ARIH1: variants seen among roughly 807,000 people sequenced by gnomAD.
ARIH1 encodes the protein E3 ubiquitin-protein ligase ARIH1.
ARIH1 carries 8 observed loss-of-function variants against 85.0 expected under a neutral mutation model. The observed-to-expected ratio is 0.09, with a 90% CI of 0.06 to 0.17. ARIH1 has a LOEUF of 0.17. Ranked by LOEUF, ARIH1 falls within the 10% of genes least tolerant of loss-of-function variation. The probability of loss-of-function intolerance (pLI) is 1.00; values close to 1 mark genes in which losing one functional copy is unlikely to be tolerated. For synonymous variants in ARIH1, 238 were observed against 253.6 expected (o/e 0.94, Z 0.59); for missense variants, 311 against 718.1 (o/e 0.43, Z 6.48).
Position 72,563,228 on chromosome 15 carries a change from C to CT in ARIH1, c.805-158dup, listed in dbSNP as rs567786131. Reference sequence around the variant, plus strand: ...ACCATGCCTGGCTAAATTCTTTTTTCTTTTTTTTAAGGTAGAGACAAGGTC... The same window carrying CT: ...ACCATGCCTGGCTAAATTCTTTTTTCTTTTTTTTTAAGGTAGAGACAAGGTC... On this transcript the variant is annotated intron_variant, in intron 6 of 13. Coordinates refer to ENST00000379887, the MANE Select transcript of ARIH1 (RefSeq NM_005744.5). Among the ~76,000 whole-genome samples, 421 of 151,916 alleles carry CT rather than the reference C, an allele frequency of 2.8e-3. 1 individual carries two copies. The highest frequency in any genetic ancestry group is 9.7e-3 in the African/African-American group (402 of 41,446).
chr15:72,565,045 T>C (rs2064213303), intron 7 of ARIH1, among the ~76,000 whole-genome samples: 1 of 152,088 alleles, frequency 6.6e-6, no homozygotes, highest in South Asian at 2.1e-4. Context: ...CAAGGGGCTC[T>C]AGACCCAGCA....
intron 1 of ARIH1, among the ~76,000 whole-genome samples, chr15:72,497,407 T>C (rs1366087778): frequency 6.6e-6 from 1 of 152,196 alleles, no homozygotes; most frequent in East Asian, 1.9e-4. Flanking sequence ...ACTTAAGTAT[T>C]TGTATCAGTT....
chr15:72,576,496 ACT>A (rs1430686719), intron 11 of ARIH1, among the ~76,000 whole-genome samples: 3 of 107,868 alleles, frequency 2.8e-5, no homozygotes, highest in African/African-American at 1.0e-4. Context: ...ACAGAGCAAG[ACT>A]CTGTCTCAAA....
chr15:72,545,686 T>G (rs924046329), intron 3 of ARIH1, among the ~76,000 whole-genome samples: 6 of 152,136 alleles, frequency 3.9e-5, no homozygotes, highest in African/African-American at 1.4e-4. Context: ...AAAATTATCC[T>G]GGCATGATGG....
At chr15:72,478,585 A>G (rs1293316912) in intron 1 of ARIH1, among the ~76,000 whole-genome samples, 2 of 152,202 alleles carry the variant, frequency 1.3e-5, no homozygotes, top group Non-Finnish European at 2.9e-5. Flanking sequence ...TATGTTAAGC[A>G]GAGGATATGC....
In ARIH1 at chr15:72,590,633, A is replaced by T. The variant is rs1195620167; in HGVS notation, c.*7341A>T. The T allele has an allele frequency of 1.3e-5, 2 of 152,110 alleles. No homozygotes were observed. Among genetic ancestry groups the T allele is most frequent in the African/African-American group, 4.8e-5 (2 of 41,420 alleles). 9.4% of individuals were successfully genotyped at this position (152,110 alleles called of 1,614,324 possible). A position where few individuals can be genotyped will look rare whatever the true frequency, so the allele number is the denominator to read the frequency against. ...TTGCCCAGGCTGGAATATAATGGCTATTCACAGGCACAGTTAGGGTGCACT... is the reference window on the plus strand; with the variant it reads ...TTGCCCAGGCTGGAATATAATGGCTTTTCACAGGCACAGTTAGGGTGCACT... On this transcript the variant is annotated 3_prime_UTR_variant, in exon 14 of 14. Transcript: ENST00000379887.
intron 2 of ARIH1, among the ~76,000 whole-genome samples, chr15:72,536,110 C>T (rs1227303066): frequency 6.6e-6 from 1 of 152,146 alleles, no homozygotes; most frequent in African/African-American, 2.4e-5. Flanking sequence ...AAAGATGACA[C>T]ATGTGTTTGT....
intron 1 of ARIH1, among the ~76,000 whole-genome samples, chr15:72,481,713 C>G (rs1388230886): frequency 6.6e-6 from 1 of 152,048 alleles, no homozygotes; most frequent in Non-Finnish European, 1.5e-5. Flanking sequence ...GGGAAAATTT[C>G]CAGAACCTAG....
chr15:72,555,221 G>T, intron 3 of ARIH1, 50 bp from the exon 4 acceptor site: 1 of 1,382,764 alleles, frequency 7.2e-7, no homozygotes, highest in South Asian at 1.2e-5. Context: ...TGTTTATAGT[G>T]AGTTTTCTGA....
Position 72,594,482 on chromosome 15 carries a change from AGTT to A in ARIH1, c.*11194_*11196del, listed in dbSNP as rs1354102829. 1 of 151,930 alleles carries A rather than the reference AGTT, an allele frequency of 6.6e-6. No individual in the cohort carries two copies. The highest frequency in any genetic ancestry group is 1.5e-5 in the Non-Finnish European group (1 of 67,976). 9.4% of individuals were successfully genotyped at this position (151,930 alleles called of 1,614,324 possible). ...CGCGCCTGGCTAATTTTCATTTTTA[AGTT>A]GTTTGCTGCTAGTATCTAGAAATAC... On this transcript the variant is annotated 3_prime_UTR_variant, in exon 14 of 14. Transcript: ENST00000379887.
intron 2 of ARIH1, among the ~76,000 whole-genome samples, chr15:72,539,172 CT>C: frequency 6.6e-6 from 1 of 152,228 alleles, no homozygotes; most frequent in South Asian, 2.1e-4. Flanking sequence ...GAGTCAGTTC[CT>C]TTTTATTTTG....
Position 72,583,367 on chromosome 15 carries a change from C to T in ARIH1, c.*75C>T. The T allele has an allele frequency of 1.6e-6, 2 of 1,252,316 alleles. No individual in the cohort carries two copies. Among genetic ancestry groups the T allele is most frequent in the South Asian group, 2.5e-5 (2 of 78,894 alleles). 77.6% of individuals were successfully genotyped at this position (1,252,316 alleles called of 1,614,324 possible). A position where few individuals can be genotyped will look rare whatever the true frequency, so the allele number is the denominator to read the frequency against. On this transcript the variant is annotated 3_prime_UTR_variant, in exon 14 of 14. Transcript: ENST00000379887. ...TCATGCAATTAAAACAAAACAAACACAAACAAGGAGGCACTAAGCCTATTC... is the reference window on the plus strand; with the variant it reads ...TCATGCAATTAAAACAAAACAAACATAAACAAGGAGGCACTAAGCCTATTC...
intron 1 of ARIH1, among the ~76,000 whole-genome samples, chr15:72,501,666 A>T (rs1448452101): frequency 2.0e-5 from 3 of 152,230 alleles, no homozygotes; most frequent in Non-Finnish European, 4.4e-5. Flanking sequence ...GCTGATACTT[A>T]GGGCTTAACA....
Position 72,474,888 on chromosome 15 carries a change from CGGCGGCGGT to C in ARIH1, c.252_260del (p.Gly88_Gly90del), listed in dbSNP as rs1182579403. The C allele has an allele frequency of 2.2e-5, 32 of 1,427,934 alleles. No individual in the cohort carries two copies. Among genetic ancestry groups the C allele is most frequent in the Non-Finnish European group, 2.4e-5 (26 of 1,085,178 alleles). The allele number at this position is 1,427,934 out of a possible 1,614,324, so 88.5% of individuals were successfully genotyped here. On this transcript the variant is annotated inframe_deletion, in exon 1 of 14. Transcript: ENST00000379887. ...GGCCCGGCGGTGGCGGCGGCGGCGG[CGGCGGCGGT>C]GGTGGTGGCGGGCCGGGGCATGAGC...
chr15:72,535,836 T>A (rs2064079553), intron 2 of ARIH1, among the ~76,000 whole-genome samples: 1 of 152,222 alleles, frequency 6.6e-6, no homozygotes, highest in Non-Finnish European at 1.5e-5. Flanking sequence ...TTGGTTTTCT[T>A]TGAAGTAAAA....
At chr15:72,531,142 G>T (rs1007092123) in intron 2 of ARIH1, among the ~76,000 whole-genome samples, 3 of 152,240 alleles carry the variant, frequency 2.0e-5, no homozygotes, top group South Asian at 2.1e-4. Context: ...AGTCCAAAAA[G>T]ATTGAAATTT....
intron 5 of ARIH1, 82 bp from the exon 6 acceptor site, chr15:72,561,401 C>A: frequency 9.8e-7 from 1 of 1,017,564 alleles, no homozygotes; most frequent in Non-Finnish European, 1.5e-6. Flanking sequence ...GTAGCATAAA[C>A]AGCTTTTGAA....
At position 72,592,878 on chromosome 15, in the gene ARIH1, A is replaced by G. The variant is rs767631396; in HGVS notation, c.*9586A>G. ...ATAAGGATGCTATCGATATTCTTAC[A>G]CAGCCTTTTGTTTTTGTTTTTTGTG... On this transcript the variant is annotated 3_prime_UTR_variant, in exon 14 of 14. Transcript: ENST00000379887. 1.3e-5 allele frequency: 2 copies of G among 152,134 alleles called. No individual in the cohort carries two copies. Among genetic ancestry groups the G allele is most frequent in the Non-Finnish European group, 2.9e-5 (2 of 68,006 alleles). 9.4% of individuals were successfully genotyped at this position (152,134 alleles called of 1,614,324 possible).
At chr15:72,540,214 C>T (rs933671025) in intron 2 of ARIH1, among the ~76,000 whole-genome samples, 2 of 136,690 alleles carry the variant, frequency 1.5e-5, no homozygotes, top group Admixed American at 1.6e-4. Flanking sequence ...GCCGAGATTG[C>T]ACCATTGTAC....
Sources: gnomAD v4.1 joint callset for allele counts (sites outside exome capture counted in the v4.1 genomes callset) on GRCh38, gnomAD v4.1.1 for gene constraint, MANE v1.5 for transcripts, NCBI Gene and HGNC (gene_info 2026-07-23, HGNC 2026-07-21) for gene names.